Variants in NHLH2 observed in about 807,000 individuals in gnomAD.
NHLH2 encodes nescient helix-loop-helix 2, also known as helix-loop-helix protein 2.
NHLH2 carries 7 observed loss-of-function variants against 7.3 expected under a neutral mutation model. The ratio of observed to expected loss-of-function variants is 0.96; its 90% CI spans 0.55 to 1.81. NHLH2 has a LOEUF of 1.81. Among genes scored for constraint, NHLH2 ranks in the 40% most tolerant of loss-of-function variants. NHLH2 has a pLI of 0.00. For missense variants in NHLH2, 155 were observed against 194.0 expected (o/e 0.80, Z 1.19); for synonymous variants, 93 against 91.6 (o/e 1.01, Z -0.09).
chr1:115,831,400 T>C (rs978598863), downstream of NHLH2, among the ~76,000 whole-genome samples: 1 of 152,208 alleles, frequency 6.6e-6, no homozygotes, highest in African/African-American at 2.4e-5. Flanking sequence ...TTAAGACTTT[T>C]TGAAGCAAAT....
chr1:115,834,904 C>T (rs1056608984), downstream of NHLH2, among the ~76,000 whole-genome samples: 12 of 152,118 alleles, frequency 7.9e-5, no homozygotes, highest in African/African-American at 2.9e-4. Context: ...AAAGAAGAAT[C>T]GAGACCTCAT....
Position 115,837,533 on chromosome 1 carries a change from A to G in NHLH2, c.*432T>C, listed in dbSNP as rs1650911676. The G allele has an allele frequency of 5.9e-6, 1 of 169,738 alleles. No homozygotes were observed. The highest frequency in any genetic ancestry group is 2.4e-5 in the African/African-American group (1 of 41,628). The allele number at this position is 169,738 out of a possible 1,614,324, so 10.5% of individuals were successfully genotyped here. A position where few individuals can be genotyped will look rare whatever the true frequency, so the allele number is the denominator to read the frequency against. ...CCCAGTGTTTGGTGATTTGTCCATTAGAAAAATTCCAGATAGCCTAAAGTT... is the reference window on the plus strand; with the variant it reads ...CCCAGTGTTTGGTGATTTGTCCATTGGAAAAATTCCAGATAGCCTAAAGTT... On this transcript the variant is annotated 3_prime_UTR_variant, in exon 3 of 3. Transcript: ENST00000320238.
chr1:115,837,717 C>G lies in NHLH2; in HGVS notation c.*248G>C. 1 of 503,684 alleles carries G rather than the reference C, an allele frequency of 2.0e-6. No individual in the cohort carries two copies. The highest frequency in any genetic ancestry group is 3.5e-6 in the Non-Finnish European group (1 of 288,582). The allele number at this position is 503,684 out of a possible 1,614,324, so 31.2% of individuals were successfully genotyped here. A position where few individuals can be genotyped will look rare whatever the true frequency, so the allele number is the denominator to read the frequency against. On this transcript the variant is annotated 3_prime_UTR_variant, in exon 3 of 3. Coordinates refer to ENST00000320238, the MANE Select transcript of NHLH2 (RefSeq NM_005599.3). ...TCTCGGGTGTCTCCACGAGGTTCTC[C>G]TGGCCTGGAAAATCCCCCCTGCGAG...
At chr1:115,832,542 G>A (rs6701873), downstream of NHLH2, among the ~76,000 whole-genome samples, 39,425 of 152,086 alleles carry the variant, frequency 0.26, 5,248 homozygotes, top group East Asian at 0.35. Context: ...GAAACCTCAT[G>A]ACATGCATTT....
rs1650906643 is a variant in NHLH2, at chr1:115,837,344, A to AG, written c.*620dup. ...TATCACCAAGCTCAGATCCTCCCAC[A>AG]GTGTGTCTACTTGTTCTCAATTTGT... On this transcript the variant is annotated 3_prime_UTR_variant, in exon 3 of 3. Transcript: ENST00000320238. 1 of 152,662 alleles carries AG rather than the reference A, an allele frequency of 6.6e-6. No homozygotes were observed. The highest frequency in any genetic ancestry group is 6.5e-5 in the Admixed American group (1 of 15,286). 9.5% of individuals were successfully genotyped at this position (152,662 alleles called of 1,614,324 possible).
In NHLH2 at chr1:115,837,923, C is replaced by T. The variant is rs767112642; in HGVS notation, c.*42G>A. On this transcript the variant is annotated 3_prime_UTR_variant, in exon 3 of 3. Coordinates refer to ENST00000320238, the MANE Select transcript of NHLH2 (RefSeq NM_005599.3). The stretch of plus-strand genomic sequence containing the variant: ...GCGCCCGTCCGGATCCGTAGCGTTT[C>T]GCGGACGCCGGGACAGGCGGCCCCC... 1.3e-5 allele frequency: 20 copies of T among 1,570,600 alleles called. No homozygotes were observed. Among genetic ancestry groups the T allele is most frequent in the Non-Finnish European group, 5.2e-6 (6 of 1,160,860 alleles).
At position 115,837,915 on chromosome 1, in the gene NHLH2, T is replaced by C; in HGVS notation, c.*50A>G. ...GAGCGACGGCGCCCGTCCGGATCCG[T>C]AGCGTTTCGCGGACGCCGGGACAGG... On this transcript the variant is annotated 3_prime_UTR_variant, in exon 3 of 3. Coordinates refer to ENST00000320238, the MANE Select transcript of NHLH2 (RefSeq NM_005599.3). 6.4e-7 allele frequency: 1 copy of C among 1,562,628 alleles called. No homozygotes were observed. The highest frequency in any genetic ancestry group is 8.6e-7 in the Non-Finnish European group (1 of 1,156,498).
downstream of NHLH2, among the ~76,000 whole-genome samples, chr1:115,831,922 C>G (rs1182504204): frequency 1.7e-5 from 1 of 59,056 alleles, no homozygotes; most frequent in Non-Finnish European, 5.7e-5. Context: ...GAGACTTGGT[C>G]TCAAAAAAAA....
rs1213297040 is a variant in NHLH2 at position 115,836,398 on chromosome 1, T to C, written c.*1567A>G. The C allele has an allele frequency of 6.6e-6, 1 of 152,596 alleles. No individual in the cohort carries two copies. Among genetic ancestry groups the C allele is most frequent in the African/African-American group, 2.4e-5 (1 of 41,454 alleles). The allele number at this position is 152,596 out of a possible 1,614,324, so 9.5% of individuals were successfully genotyped here. ...GGACTTTATTTGATACCTTTATTTATATGCAAAACAGCGCACCATTCATGA... is the reference window on the plus strand; with the variant it reads ...GGACTTTATTTGATACCTTTATTTACATGCAAAACAGCGCACCATTCATGA... On this transcript the variant is annotated 3_prime_UTR_variant, in exon 3 of 3. Transcript: ENST00000320238.
At chr1:115,835,409 G>A (rs938208879), downstream of NHLH2, among the ~76,000 whole-genome samples, 1 of 152,204 alleles carries the variant, frequency 6.6e-6, no homozygotes, top group African/African-American at 2.4e-5. Flanking sequence ...TGTTTTGCAG[G>A]TCACAGAGTA....
chr1:115,835,599 G>T (rs1463791629), downstream of NHLH2, among the ~76,000 whole-genome samples: 4 of 152,178 alleles, frequency 2.6e-5, no homozygotes, highest in African/African-American at 9.7e-5. Flanking sequence ...GAAAAGTGAA[G>T]AATACCAGCA....
intron 1 of NHLH2, 74 bp downstream of exon 1, chr1:115,840,874 G>C (rs1421176314): frequency 1.2e-5 from 2 of 166,430 alleles, no homozygotes; most frequent in Non-Finnish European, 2.9e-5. Context: ...TGTATAAATA[G>C]ACACCTATTT....
chr1:115,837,843 T>C lies in NHLH2; in HGVS notation c.*122A>G. 9.5e-7 allele frequency: 1 copy of C among 1,056,086 alleles called. No homozygotes were observed. The highest frequency in any genetic ancestry group is 1.3e-6 in the Non-Finnish European group (1 of 755,496). 65.4% of individuals were successfully genotyped at this position (1,056,086 alleles called of 1,614,324 possible). A position where few individuals can be genotyped will look rare whatever the true frequency, so the allele number is the denominator to read the frequency against. The stretch of plus-strand genomic sequence containing the variant: ...AGGTAGCGAGCTTCTTCCCCGGCCG[T>C]CTCTCGAGGCGGCCGTCTCGCTGGG... On this transcript the variant is annotated 3_prime_UTR_variant, in exon 3 of 3. Transcript: ENST00000320238.
At chr1:115,832,843 G>A (rs1276201804), downstream of NHLH2, among the ~76,000 whole-genome samples, 1 of 152,158 alleles carries the variant, frequency 6.6e-6, no homozygotes, top group African/African-American at 2.4e-5. Context: ...TGGAATCATC[G>A]GAATTTTCTG....
chr1:115,837,796 C>T lies in NHLH2; in HGVS notation c.*169G>A. 1 of 716,676 alleles carries T rather than the reference C, an allele frequency of 1.4e-6. No individual in the cohort carries two copies. Among genetic ancestry groups the T allele is most frequent in the Non-Finnish European group, 2.1e-6 (1 of 467,854 alleles). The allele number at this position is 716,676 out of a possible 1,614,324, so 44.4% of individuals were successfully genotyped here. A position where few individuals can be genotyped will look rare whatever the true frequency, so the allele number is the denominator to read the frequency against. ...GCCTGCGTCGGAAACCTTCCCTCGT[C>T]GCCCTGCTGACCAGAGAGAACAGGT... On this transcript the variant is annotated 3_prime_UTR_variant, in exon 3 of 3. Coordinates refer to ENST00000320238, the MANE Select transcript of NHLH2 (RefSeq NM_005599.3).
Position 115,837,907 on chromosome 1 carries a change from C to A in NHLH2, c.*58G>T. ...CGCCACCCGAGCGACGGCGCCCGTC[C>A]GGATCCGTAGCGTTTCGCGGACGCC... On this transcript the variant is annotated 3_prime_UTR_variant, in exon 3 of 3. Coordinates refer to ENST00000320238, the MANE Select transcript of NHLH2 (RefSeq NM_005599.3). The A allele has an allele frequency of 6.5e-7, 1 of 1,545,088 alleles. No homozygotes were observed. Among genetic ancestry groups the A allele is most frequent in the Non-Finnish European group, 8.7e-7 (1 of 1,147,596 alleles).
intron 2 of NHLH2, chr1:115,839,899 T>G (rs1651015364): frequency 6.0e-6 from 1 of 167,082 alleles, no homozygotes; most frequent in African/African-American, 2.4e-5. Context: ...GAGAGCTGCA[T>G]GTGACTCCCT....
In NHLH2 at chr1:115,837,321, T is replaced by C. The variant is rs11805084; in HGVS notation, c.*644A>G. On this transcript the variant is annotated 3_prime_UTR_variant, in exon 3 of 3. Transcript: ENST00000320238. The stretch of plus-strand genomic sequence containing the variant: ...GGTGTCATATCTTGGGGATAAAATA[T>C]CACCAAGCTCAGATCCTCCCACAGT... 9,573 of 152,742 alleles carry C rather than the reference T, an allele frequency of 0.063. 490 individuals are homozygous for C. Among genetic ancestry groups the C allele is most frequent in the Admixed American group, 0.17 (2,644 of 15,304 alleles). 9.5% of individuals were successfully genotyped at this position (152,742 alleles called of 1,614,324 possible).
chr1:115,838,257 T>C lies in NHLH2; in HGVS notation c.116A>G (p.Glu39Gly). 6.3e-7 allele frequency: 1 copy of C among 1,587,722 alleles called. No individual in the cohort carries two copies. Among genetic ancestry groups the C allele is most frequent in the African/African-American group, 1.3e-5 (1 of 74,150 alleles). The change falls in exon 3 of 3, where the codon GAG (glutamate) becomes GGG (glycine). Residue 39 changes from glutamate (E) to glycine (G), a missense_variant. Glu to Gly is a moderately conservative substitution (Grantham distance 98, BLOSUM62 -2). Around this residue, in one of 2 missense-constraint regions of NHLH2, gnomAD observed 91 missense variants for 86.6 expected, o/e 1.05. Transcript: ENST00000320238. ...TKVLGSVSDL[E>G]PVEEAEGDGK... The stretch of plus-strand genomic sequence containing the variant: ...GTCGCCCTCGGCCTCCTCCACCGGC[T>C]CCAGGTCCGACACGCTGCCGAGCAC...
Sources: gnomAD v4.1 joint callset for allele counts (sites outside exome capture counted in the v4.1 genomes callset) on GRCh38, gnomAD v4.1.1 for gene constraint, gnomAD v4.1.1 regional missense constraint, MANE v1.5 for transcripts, NCBI Gene and HGNC (gene_info 2026-07-23, HGNC 2026-07-21) for gene names.